CNNM4: variants seen among roughly 807,000 people sequenced by gnomAD.
The protein encoded by CNNM4 is cyclin and CBS domain divalent metal cation transport mediator 4, also known as metal transporter CNNM4.
A neutral mutation model predicts 53.7 loss-of-function variants in CNNM4; 32 were observed. That is an observed-to-expected ratio of 0.60 (90% confidence interval 0.45 to 0.80). The LOEUF (loss-of-function observed/expected upper bound fraction) is 0.80. Ranked by LOEUF, CNNM4 falls within the 30% of genes least tolerant of loss-of-function variation. CNNM4 has a pLI of 0.00. For synonymous variants in CNNM4, 410 were observed against 440.0 expected (o/e 0.93, Z 0.85); for missense variants, 784 against 1,022.0 (o/e 0.77, Z 3.17).
chr2:96,798,928 C>T (rs777149794), intron 3 of CNNM4, 129 bp from the exon 4 acceptor site: 43 of 919,302 alleles, frequency 4.7e-5, no homozygotes, highest in South Asian at 1.9e-4. Context: ...GAACGAGGGC[C>T]GGCCGAGCAG....
intron 1 of CNNM4, among the ~76,000 whole-genome samples, chr2:96,792,463 A>G (rs1558991112): frequency 6.6e-6 from 1 of 151,240 alleles, no homozygotes; most frequent in Non-Finnish European, 1.5e-5. Flanking sequence ...CCTTCCCCTC[A>G]CTGGTTACTT....
intron 1 of CNNM4, among the ~76,000 whole-genome samples, chr2:96,768,584 G>A (rs1365396987): frequency 1.3e-5 from 2 of 152,126 alleles, no homozygotes; most frequent in Non-Finnish European, 2.9e-5. Context: ...TTCTAGCTTG[G>A]GATTCAGGTT....
intron 1 of CNNM4, among the ~76,000 whole-genome samples, chr2:96,788,130 C>T (rs1033440014): frequency 6.6e-6 from 1 of 152,154 alleles, no homozygotes; most frequent in Admixed American, 6.5e-5. Flanking sequence ...ACCATGTTGG[C>T]CAGGCTGGTC....
intron 1 of CNNM4, among the ~76,000 whole-genome samples, chr2:96,774,724 G>C (rs1348620533): frequency 6.6e-6 from 1 of 152,120 alleles, no homozygotes; most frequent in Non-Finnish European, 1.5e-5. Context: ...AGCACTTTGA[G>C]AGGCCAGGGC....
chr2:96,802,104 C>G (rs796791223), intron 5 of CNNM4, among the ~76,000 whole-genome samples: 2 of 151,226 alleles, frequency 1.3e-5, no homozygotes, highest in African/African-American at 4.9e-5. Flanking sequence ...TACACAGATA[C>G]ACCCATAGAC....
rs1294816843 is a variant in CNNM4, at chr2:96,797,990, A to G, written c.1681+343A>G. 6.6e-6 allele frequency among the ~76,000 whole-genome samples: 1 copy of G among 151,856 alleles called. No individual in the cohort carries two copies. The highest frequency in any genetic ancestry group is 2.4e-5 in the African/African-American group (1 of 41,326). ...GATTGCATGAGCCCAGGAGTTCGAGACCAGCCTGAGCAACATGGCGAGACC... is the reference window on the plus strand; with the variant it reads ...GATTGCATGAGCCCAGGAGTTCGAGGCCAGCCTGAGCAACATGGCGAGACC... On this transcript the variant is annotated intron_variant, in intron 3 of 6. Transcript: ENST00000377075. This position sits in a 1 kb window ranked among gnomAD's most constrained non-coding sequence, Gnocchi z 6.0.
intron 1 of CNNM4, among the ~76,000 whole-genome samples, chr2:96,785,982 G>C (rs1023611084): frequency 5.9e-5 from 9 of 151,720 alleles, no homozygotes; most frequent in African/African-American, 2.2e-4. Context: ...AGCTACTCAG[G>C]AGGCTGAGGC....
At chr2:96,805,564 C>T (rs2079196812) in intron 5 of CNNM4, among the ~76,000 whole-genome samples, 1 of 125,044 alleles carries the variant, frequency 8.0e-6, no homozygotes, top group Admixed American at 8.4e-5. Context: ...GAACAAAGGT[C>T]TCTGGTTTTC....
At chr2:96,804,964 C>T (rs938479083) in intron 5 of CNNM4, among the ~76,000 whole-genome samples, 5 of 151,118 alleles carry the variant, frequency 3.3e-5, no homozygotes, top group Admixed American at 2.0e-4. Context: ...TCAAACCAGC[C>T]GAGGTAACAT....
intron 5 of CNNM4, among the ~76,000 whole-genome samples, chr2:96,804,054 A>G (rs539618288): frequency 6.6e-6 from 1 of 151,510 alleles, no homozygotes; most frequent in Admixed American, 6.6e-5. Context: ...AGGTGCCACC[A>G]TGCTGGGCAA....
chr2:96,807,898 G>T (rs1299400358), intron 5 of CNNM4, among the ~76,000 whole-genome samples: 2 of 151,896 alleles, frequency 1.3e-5, no homozygotes, highest in Non-Finnish European at 2.9e-5. Flanking sequence ...CAGTTTGCTT[G>T]TTTGTTTTGA....
At chr2:96,804,405 ATT>A (rs1243383808) in intron 5 of CNNM4, among the ~76,000 whole-genome samples, 4 of 90,062 alleles carry the variant, frequency 4.4e-5, no homozygotes, top group Non-Finnish European at 2.4e-5. Flanking sequence ...TAAGTTTTGT[ATT>A]TTTTTTTTTT....
At chr2:96,790,746 G>A (rs965288219) in intron 1 of CNNM4, among the ~76,000 whole-genome samples, 1 of 151,428 alleles carries the variant, frequency 6.6e-6, no homozygotes, top group Non-Finnish European at 1.5e-5. Context: ...TTGGGAGGCC[G>A]AGGTGGGCGG....
chr2:96,772,912 G>A (rs1042880678), intron 1 of CNNM4, among the ~76,000 whole-genome samples: 159 of 122,230 alleles, frequency 1.3e-3, no homozygotes, highest in South Asian at 2.2e-3. Flanking sequence ...ACCCATGCAC[G>A]CACACACACA....
chr2:96,776,219 G>A (rs541535885), intron 1 of CNNM4, among the ~76,000 whole-genome samples: 160 of 151,654 alleles, frequency 1.1e-3, no homozygotes, highest in Non-Finnish European at 1.9e-3. Flanking sequence ...TAGTAGAGAC[G>A]GGCTTTCACC....
In CNNM4 at chr2:96,761,359, G is replaced by A. The variant is rs768413195; in HGVS notation, c.360G>A (p.Leu120=). Residue 120 remains leucine, a synonymous_variant, in exon 1 of 7, where the codon CTG becomes CTA. Transcript: ENST00000377075. The surrounding 1 kb of genome is among the most constrained non-coding windows in gnomAD (Gnocchi z 6.0). ...ELTKDLVVQQ[L]VNVSRGNTSG... is the part of the protein sequence containing the mutation. ...CCAAGGACCTGGTCGTCCAGCAGCTGGTCAACGTGAGCCGCGGGAACACGT... is the reference window on the plus strand; with the variant it reads ...CCAAGGACCTGGTCGTCCAGCAGCTAGTCAACGTGAGCCGCGGGAACACGT... 1 of 1,614,090 alleles carries A rather than the reference G, an allele frequency of 6.2e-7. No homozygotes were observed. The highest frequency in any genetic ancestry group is 8.5e-7 in the Non-Finnish European group (1 of 1,180,036).
At chr2:96,795,697 G>C (rs1209522952) in intron 1 of CNNM4, among the ~76,000 whole-genome samples, 2 of 152,154 alleles carry the variant, frequency 1.3e-5, no homozygotes, top group African/African-American at 2.4e-5. Context: ...GAGGCCCTTG[G>C]ATTGTGAAGG....
rs80312610 is a variant in CNNM4 at position 96,786,094 on chromosome 2, G to T, written c.1403-10918G>T. ...AGAGTGAGACTCTGTCTCAAATAAA[G>T]AAAAAAAAAAGATAAAAATAATTTT... is the stretch of plus-strand genomic sequence containing the variant. On this transcript the variant is annotated intron_variant, in intron 1 of 6. Coordinates refer to ENST00000377075, the MANE Select transcript of CNNM4 (RefSeq NM_020184.4). 3.5e-3 allele frequency among the ~76,000 whole-genome samples: 501 copies of T among 144,748 alleles called. 2 individuals carry two copies. Among genetic ancestry groups the T allele is most frequent in the Middle Eastern group, 0.014 (4 of 282 alleles). 95.0% of individuals were successfully genotyped at this position (144,748 alleles called of 152,430 possible).
chr2:96,797,186 C>T lies in CNNM4; in HGVS notation c.1546+31C>T, dbSNP rs202226315. ...TCCAGCCTTCCACAGGGCCCAGGAC[C>T]CCTTTCCTGCTTGGATCGAAACTTG... is the stretch of plus-strand genomic sequence containing the variant. On this transcript the variant is annotated intron_variant, in intron 2 of 6. Coordinates refer to ENST00000377075, the MANE Select transcript of CNNM4 (RefSeq NM_020184.4). This position sits in a 1 kb window ranked among gnomAD's most constrained non-coding sequence, Gnocchi z 6.0. The T allele has an allele frequency of 6.2e-7, 1 of 1,613,684 alleles. No individual in the cohort carries two copies. Among genetic ancestry groups the T allele is most frequent in the South Asian group, 1.1e-5 (1 of 91,072 alleles).
Sources: allele counts gnomAD v4.1 joint callset (sites outside exome capture counted in the v4.1 genomes callset), GRCh38; gene constraint gnomAD v4.1.1; non-coding constraint Gnocchi (gnomAD v3.1); transcripts MANE v1.5; gene names NCBI Gene and HGNC (gene_info 2026-07-23, HGNC 2026-07-21).